The following HIVEP3 variants were observed in gnomAD, a reference collection of about 807,000 sequenced individuals.
HIVEP3 encodes HIVEP zinc finger 3.
Under a neutral mutation model 152.8 loss-of-function variants are expected in HIVEP3, and 49 were observed. The ratio of observed to expected loss-of-function variants is 0.32; its 90% CI spans 0.26 to 0.41. HIVEP3 has a LOEUF of 0.41. Among genes scored for constraint, HIVEP3 ranks in the 10% least tolerant of loss-of-function variants. The pLI is 1.00. For synonymous variants in HIVEP3, 1,269 were observed against 1,289.0 expected (o/e 0.98, Z 0.33); for missense variants, 2,790 against 3,103.3 (o/e 0.90, Z 2.40).
intron 2 of HIVEP3, among the ~76,000 whole-genome samples, chr1:41,657,051 T>C (rs187640756): frequency 1.3e-5 from 2 of 152,338 alleles, no homozygotes; most frequent in African/African-American, 4.8e-5. Context: ...GGTGGTAGAT[T>C]TGCTCAACTC....
In HIVEP3 at chr1:41,581,964, C is replaced by T. The variant is rs138468465; in HGVS notation, c.2834G>A (p.Arg945His). Residue 945 changes from arginine to histidine, a missense_variant, in exon 4 of 9, where the codon CGC becomes CAC. Physicochemically the swap from Arg to His is conservative, Grantham distance 29. Coordinates refer to ENST00000372583, the MANE Select transcript of HIVEP3 (RefSeq NM_024503.5). This position sits in a 1 kb window ranked among gnomAD's most constrained non-coding sequence, Gnocchi z 4.5. The part of the protein sequence containing the change: ...ESNVSLSGSS[R>H]SASFERDDHG... ...GTCATCCCTCTCAAACGAGGCTGAG[C>T]GGCTGGACCCACTCAAAGAGACATT... is the stretch of plus-strand genomic sequence containing the variant. 188 of 1,614,008 alleles carry T rather than the reference C, an allele frequency of 1.2e-4. No individual in the cohort carries two copies. The highest frequency in any genetic ancestry group is 1.5e-4 in the Admixed American group (9 of 59,998).
intron 2 of HIVEP3, among the ~76,000 whole-genome samples, chr1:41,629,970 G>A (rs1052481396): frequency 3.3e-5 from 5 of 152,102 alleles, no homozygotes; most frequent in East Asian, 3.9e-4. Context: ...AAAGACACAC[G>A]CATTTGTATG....
chr1:41,826,837 A>T (rs1642819442), intron 1 of HIVEP3, among the ~76,000 whole-genome samples: 1 of 152,200 alleles, frequency 6.6e-6, no homozygotes. Context: ...GGCAATGTGG[A>T]CTGGACTAAT....
At chr1:41,990,953 C>A (rs1174414800) in intron 1 of HIVEP3, among the ~76,000 whole-genome samples, 1 of 134,654 alleles carries the variant, frequency 7.4e-6, no homozygotes, top group Non-Finnish European at 1.6e-5. Context: ...TTGAAACCAA[C>A]GAGAACAAAG....
intron 2 of HIVEP3, among the ~76,000 whole-genome samples, chr1:41,675,076 C>A (rs554856394): frequency 6.6e-6 from 1 of 152,166 alleles, no homozygotes; most frequent in Non-Finnish European, 1.5e-5. Flanking sequence ...CCTGTCCCCC[C>A]ACAGGTACCC....
At chr1:41,802,353 C>G (rs2124314380) in intron 1 of HIVEP3, among the ~76,000 whole-genome samples, 1 of 152,050 alleles carries the variant, frequency 6.6e-6, no homozygotes, top group Non-Finnish European at 1.5e-5. Flanking sequence ...GTAGTTGGGG[C>G]CACAGGCATG....
intron 5 of HIVEP3, among the ~76,000 whole-genome samples, chr1:41,564,939 G>A (rs1255515957): frequency 1.3e-5 from 2 of 152,172 alleles, no homozygotes; most frequent in Non-Finnish European, 1.5e-5. Flanking sequence ...GGGGAGCCCC[G>A]GGGCAGTCAG....
intron 1 of HIVEP3, among the ~76,000 whole-genome samples, chr1:41,745,553 T>A (rs865912142): frequency 2.6e-5 from 4 of 152,212 alleles, no homozygotes; most frequent in Middle Eastern, 6.3e-3. Context: ...GACAAGGGCA[T>A]CCACAGTCGA....
intron 1 of HIVEP3, among the ~76,000 whole-genome samples, chr1:41,855,377 T>C (rs1450823879): frequency 2.6e-5 from 4 of 152,186 alleles, no homozygotes; most frequent in Admixed American, 1.3e-4. Flanking sequence ...AAAGAGCTTC[T>C]GCACAGCAAA....
At chr1:41,730,818 T>G (rs1646828643) in intron 1 of HIVEP3, among the ~76,000 whole-genome samples, 1 of 151,936 alleles carries the variant, frequency 6.6e-6, no homozygotes, top group Non-Finnish European at 1.5e-5. Context: ...GGTGGGAGGC[T>G]GGGGGGTGGG....
At position 42,000,965 on chromosome 1, in the gene HIVEP3, C is replaced by A. The variant is rs556183973; in HGVS notation, n.119+34842G>T. On this transcript the variant is annotated intron_variant and non_coding_transcript_variant, in intron 1 of 3. Transcript: ENST00000489103. ...GATGTGCCAGGCACTATTCTAAGTG[C>A]GTTACATATAGTAATACTTGCAACA... 2.5e-4 allele frequency among the ~76,000 whole-genome samples: 38 copies of A among 152,260 alleles called. 1 individual carries two copies. In the South Asian group the frequency reaches 3.9e-3, roughly 16 times the overall value.
In HIVEP3 at chr1:41,779,264, C is replaced by A. The variant is rs536544222; in HGVS notation, c.-800-78269G>T. On this transcript the variant is annotated intron_variant, in intron 1 of 8. Transcript: ENST00000372583. Reference sequence around the variant, plus strand: ...GCAGTGGAGTGGTTAAAGTGCTGGGCTTTGGAGTCAGGCTGCCTGGGTGGA... The same window carrying A: ...GCAGTGGAGTGGTTAAAGTGCTGGGATTTGGAGTCAGGCTGCCTGGGTGGA... Among the ~76,000 whole-genome samples, 8 of 152,250 alleles carry A rather than the reference C, an allele frequency of 5.3e-5. No individual in the cohort carries two copies. The East Asian group carries it at 5.8e-4, about 11-fold the overall frequency.
At chr1:41,925,358 T>C (rs1446372572) in intron 1 of HIVEP3, among the ~76,000 whole-genome samples, 1 of 152,234 alleles carries the variant, frequency 6.6e-6, no homozygotes, top group Non-Finnish European at 1.5e-5. Flanking sequence ...AGTCAACACA[T>C]ATTTTGTACA....
intron 2 of HIVEP3, among the ~76,000 whole-genome samples, chr1:41,660,218 G>T (rs371015120): frequency 2.0e-5 from 3 of 152,032 alleles, no homozygotes; most frequent in African/African-American, 7.3e-5. Flanking sequence ...AGATGACTGT[G>T]GTACCATTAC....
intron 5 of HIVEP3, among the ~76,000 whole-genome samples, chr1:41,546,541 C>G (rs1643808524): frequency 6.6e-6 from 1 of 152,186 alleles, no homozygotes. Flanking sequence ...GTGCTCATCT[C>G]CTGAAGCTGT....
intron 1 of HIVEP3, among the ~76,000 whole-genome samples, chr1:41,995,208 C>T (rs1484118623): frequency 1.3e-5 from 2 of 151,942 alleles, no homozygotes; most frequent in Non-Finnish European, 2.9e-5. Flanking sequence ...AAACCCACTC[C>T]TAGACACATC....
intron 1 of HIVEP3, among the ~76,000 whole-genome samples, chr1:41,875,333 C>T (rs1644151224): frequency 6.6e-6 from 1 of 152,208 alleles, no homozygotes; most frequent in Non-Finnish European, 1.5e-5. Flanking sequence ...TCCCATGGCT[C>T]CCCTCCAGCT....
At position 41,524,898 on chromosome 1, in the gene HIVEP3, G is replaced by A. The variant is rs200525352; in HGVS notation, c.5220C>T (p.Asn1740=). ...GGCCTCGCACATATACATACTCTTCGTTTGATTTGTACCTATGAGCAACAG... is the reference window on the plus strand; with the variant it reads ...GGCCTCGCACATATACATACTCTTCATTTGATTTGTACCTATGAGCAACAG... ...IKIFEGGYKS[N]EEYVYVRGRG... The change falls in exon 6 of 9, where the codon AAC becomes AAT. Residue 1740 remains asparagine, a synonymous_variant. Transcript: ENST00000372583. The A allele has an allele frequency of 6.2e-6, 10 of 1,613,422 alleles. No homozygotes were observed. The highest frequency in any genetic ancestry group is 5.5e-5 in the South Asian group (5 of 91,040).
intron 2 of HIVEP3, among the ~76,000 whole-genome samples, chr1:41,684,735 C>T (rs761687437): frequency 3.3e-5 from 5 of 152,168 alleles, no homozygotes; most frequent in East Asian, 3.8e-4. Context: ...AATGGCCAGC[C>T]GCAGACCATG....
Sources: allele counts gnomAD v4.1 joint callset (sites outside exome capture counted in the v4.1 genomes callset), GRCh38; gene constraint gnomAD v4.1.1; non-coding constraint Gnocchi (gnomAD v3.1); transcripts MANE v1.5; gene names NCBI Gene and HGNC (gene_info 2026-07-23, HGNC 2026-07-21).